CARF: variants seen among roughly 807,000 people sequenced by gnomAD.
CARF encodes the protein calcium responsive transcription factor.
In CARF, 57 loss-of-function variants were observed where a neutral mutation model predicts 82.0. The observed-to-expected ratio is 0.70, with a 90% confidence interval of 0.56 to 0.87. The LOEUF (loss-of-function observed/expected upper bound fraction) is 0.87, where lower values mean the gene tolerates loss of function less well. Among genes scored for constraint, CARF ranks in the 40% least tolerant of loss-of-function variants. CARF has a pLI of 0.00. For synonymous variants in CARF, 268 were observed against 290.1 expected (o/e 0.92, Z 0.77); for missense variants, 771 against 855.8 (o/e 0.90, Z 1.24).
In CARF at chr2:202,983,584, C is replaced by A; in HGVS notation, c.2138C>A (p.Ala713Glu). 6.2e-7 allele frequency: 1 copy of A among 1,604,808 alleles called. No homozygotes were observed. Among genetic ancestry groups the A allele is most frequent in the Non-Finnish European group, 8.5e-7 (1 of 1,175,514 alleles). Residue 713 changes from alanine (A) to glutamate (E), a missense_variant, in exon 17 of 17, where the codon GCA (alanine) becomes GAA (glutamate). Transcript: ENST00000438828. Reference protein sequence around the residue: ...EPKEPALSMEAKKTVDYKKLS... With the variant: ...EPKEPALSMEEKKTVDYKKLS... ...AAAGAACCAGCATTGTCTATGGAAG[C>A]AAAAAAAACTGTGGACTATAAGAAA... is the stretch of plus-strand genomic sequence containing the variant.
intron 2 of CARF, among the ~76,000 whole-genome samples, chr2:202,920,315 G>A (rs544601115): frequency 3.3e-5 from 5 of 152,034 alleles, no homozygotes; most frequent in Non-Finnish European, 5.9e-5. Flanking sequence ...ATCATGCCCG[G>A]CTAATGTTTT....
intron 1 of CARF, among the ~76,000 whole-genome samples, chr2:202,915,842 T>C (rs1689533993): frequency 6.6e-6 from 1 of 151,122 alleles, no homozygotes; most frequent in Non-Finnish European, 1.5e-5. Context: ...ACTCCTGACC[T>C]CAAGATCCGC....
At chr2:202,952,064 C>T (rs763779410) in intron 5 of CARF, among the ~76,000 whole-genome samples, 17 of 152,120 alleles carry the variant, frequency 1.1e-4, no homozygotes, top group Non-Finnish European at 2.1e-4. Context: ...AACTCCTGAC[C>T]TCGTGATCTG....
intron 3 of CARF, among the ~76,000 whole-genome samples, chr2:202,931,721 A>G (rs1055598245): frequency 3.9e-5 from 6 of 152,034 alleles, no homozygotes; most frequent in African/African-American, 9.7e-5. Context: ...GCTGCATTCA[A>G]CGTCAGCAAT....
intron 3 of CARF, among the ~76,000 whole-genome samples, chr2:202,938,071 C>T (rs1301607060): frequency 6.6e-6 from 1 of 152,142 alleles, no homozygotes; most frequent in Admixed American, 6.5e-5. Flanking sequence ...TTATCCATCC[C>T]TTCAAGCATT....
intron 9 of CARF, 170 bp downstream of exon 9, chr2:202,961,596 C>T (rs1377919752): frequency 1.0e-5 from 6 of 597,382 alleles, no homozygotes; most frequent in Non-Finnish European, 1.8e-5. Flanking sequence ...TAATCAATTA[C>T]TTTATAATAT....
In CARF at chr2:202,961,238, A is replaced by G. The variant is rs1441352902; in HGVS notation, c.644A>G (p.Lys215Arg). ...IWACRLRSCE[K>R]IGDSYRGYCV... ...TTGTTTAATTTCTACCACATGCAGA[A>G]AATTGGAGATTCATACCGTGGCTAC... Residue 215 changes from lysine (K) to arginine (R), a missense_variant and splice_region_variant, in exon 9 of 17, where the codon AAA becomes AGA. Lys to Arg is a conservative substitution (Grantham distance 26). Transcript: ENST00000438828. 1 of 1,599,844 alleles carries G rather than the reference A, an allele frequency of 6.3e-7. No homozygotes were observed. The highest frequency in any genetic ancestry group is 1.7e-5 in the Admixed American group (1 of 57,886).
intron 16 of CARF, 65 bp downstream of exon 16, chr2:202,982,506 A>G: frequency 6.5e-7 from 1 of 1,540,054 alleles, no homozygotes; most frequent in Non-Finnish European, 8.8e-7. Context: ...ACTATATTAT[A>G]CTATAGATAA....
intron 5 of CARF, among the ~76,000 whole-genome samples, chr2:202,945,935 T>C (rs1237696667): frequency 6.6e-6 from 1 of 152,190 alleles, no homozygotes; most frequent in African/African-American, 2.4e-5. Flanking sequence ...CCAGAAAGTA[T>C]ATAAGTGTTC....
intron 11 of CARF, among the ~76,000 whole-genome samples, chr2:202,971,241 C>A (rs980010543): frequency 6.6e-6 from 1 of 151,918 alleles, no homozygotes; most frequent in African/African-American, 2.4e-5. Flanking sequence ...CCTGTATCTC[C>A]CTCAACTGTA....
At chr2:202,955,322 C>T (rs1168040405) in intron 7 of CARF, among the ~76,000 whole-genome samples, 5 of 152,106 alleles carry the variant, frequency 3.3e-5, no homozygotes, top group Non-Finnish European at 1.5e-5. Flanking sequence ...CAAGAAGTGA[C>T]ACATAATGTT....
chr2:202,975,482 G>T (rs1206265169), intron 13 of CARF, among the ~76,000 whole-genome samples: 3 of 151,900 alleles, frequency 2.0e-5, no homozygotes, highest in African/African-American at 7.3e-5. Flanking sequence ...GGTGGCGTGC[G>T]CCTGTAATCC....
At chr2:202,914,201 C>T (rs940798879) in intron 1 of CARF, among the ~76,000 whole-genome samples, 2 of 152,022 alleles carry the variant, frequency 1.3e-5, no homozygotes, top group African/African-American at 4.8e-5. Context: ...ACTATATGGT[C>T]CTCATGGAGA....
intron 5 of CARF, among the ~76,000 whole-genome samples, chr2:202,949,829 C>G (rs1335525650): frequency 2.6e-5 from 4 of 152,036 alleles, no homozygotes; most frequent in Non-Finnish European, 5.9e-5. Flanking sequence ...GGATTACAGG[C>G]GTGAGCCATC....
intron 3 of CARF, among the ~76,000 whole-genome samples, chr2:202,939,572 A>G (rs1422703279): frequency 1.3e-5 from 2 of 149,570 alleles, no homozygotes; most frequent in Non-Finnish European, 3.0e-5. Context: ...CATACATTTT[A>G]TGTTCTGTTT....
At chr2:202,936,177 T>A (rs1693904637) in intron 3 of CARF, among the ~76,000 whole-genome samples, 1 of 152,022 alleles carries the variant, frequency 6.6e-6, no homozygotes, top group Non-Finnish European at 1.5e-5. Context: ...CCAAGAAAAA[T>A]TCCTTAATAT....
intron 16 of CARF, 143 bp downstream of exon 16, chr2:202,982,584 G>T: frequency 3.6e-6 from 3 of 824,170 alleles, no homozygotes; most frequent in Non-Finnish European, 5.4e-6. Context: ...GAGAGAAGGA[G>T]GAGATTTCAT....
chr2:202,915,510 A>C (rs1689466667), intron 1 of CARF, among the ~76,000 whole-genome samples: 1 of 150,732 alleles, frequency 6.6e-6, no homozygotes, highest in African/African-American at 2.4e-5. Flanking sequence ...TGGCTCTGTC[A>C]CCAGGCTGGA....
At chr2:202,966,580 C>T (rs866587446) in intron 9 of CARF, among the ~76,000 whole-genome samples, 1 of 152,204 alleles carries the variant, frequency 6.6e-6, no homozygotes. Flanking sequence ...CGTGGTGGCA[C>T]ACGCCTATAG....
Sources: gnomAD v4.1 joint callset for allele counts (sites outside exome capture counted in the v4.1 genomes callset) on GRCh38, gnomAD v4.1.1 for gene constraint, MANE v1.5 for transcripts, NCBI Gene and HGNC (gene_info 2026-07-23, HGNC 2026-07-21) for gene names.